Variants in CHM observed in about 807,000 individuals in gnomAD.
The protein encoded by CHM is CHM Rab escort protein.
Under a neutral mutation model 49.0 loss-of-function variants are expected in CHM, and 10 were observed. The ratio of observed to expected loss-of-function variants is 0.20; its 90% CI spans 0.13 to 0.35. CHM has a LOEUF of 0.35. Among genes scored for constraint, CHM ranks in the 10% least tolerant of loss-of-function variants. The probability of loss-of-function intolerance (pLI) is 1.00; values close to 1 mark genes in which losing one functional copy is unlikely to be tolerated. For synonymous variants in CHM, 184 were observed against 167.5 expected (o/e 1.10, Z -0.76); for missense variants, 455 against 478.4 (o/e 0.95, Z 0.46).
chrX:85,941,311 A>G (rs1453056129), intron 8 of CHM, among the ~76,000 whole-genome samples: 1 of 111,459 alleles, frequency 9.0e-6, no homozygotes, highest in Admixed American at 9.6e-5. Context: ...GAATTTGTTA[A>G]AATTTCACAT....
intron 2 of CHM, among the ~76,000 whole-genome samples, chrX:85,983,139 C>G (rs1169813225): frequency 9.0e-6 from 1 of 111,186 alleles, no homozygotes; most frequent in Non-Finnish European, 1.9e-5. Flanking sequence ...CTGCTTTTCT[C>G]TAACAGAGAA....
intron 8 of CHM, among the ~76,000 whole-genome samples, chrX:85,928,642 T>A: frequency 8.9e-6 from 1 of 112,606 alleles, no homozygotes; most frequent in Non-Finnish European, 1.9e-5. Flanking sequence ...GCTTCCAAAT[T>A]CATAAGTGCA....
intron 8 of CHM, among the ~76,000 whole-genome samples, chrX:85,911,576 A>T (rs1237952487): frequency 9.2e-6 from 1 of 109,257 alleles, no homozygotes; most frequent in Non-Finnish European, 1.9e-5. Flanking sequence ...CTGTGAGCAA[A>T]CCAGAAGTGT....
Position 85,884,626 on chromosome X carries a change from T to C in CHM, c.1511-5563A>G, listed in dbSNP as rs990167644. Among the ~76,000 whole-genome samples the C allele has an allele frequency of 6.3e-5, 7 of 111,538 alleles. No homozygotes were observed. The Admixed American group carries it at 6.7e-4, about 11-fold the overall frequency. On this transcript the variant is annotated intron_variant, in intron 12 of 14. Coordinates refer to ENST00000357749, the MANE Select transcript of CHM (RefSeq NM_000390.4). The stretch of plus-strand genomic sequence containing the variant: ...TCATATATACTATTCCCATATGATG[T>C]GAAGGTAAACTTCAGTGGCATACGT...
intron 4 of CHM, among the ~76,000 whole-genome samples, chrX:85,967,265 T>A (rs773283485): frequency 8.9e-6 from 1 of 112,385 alleles, no homozygotes; most frequent in South Asian, 3.7e-4. Context: ...TATACTGTGG[T>A]AAAAGACATT....
chrX:85,953,501 A>G (rs1929853393), intron 8 of CHM, among the ~76,000 whole-genome samples: 2 of 111,810 alleles, frequency 1.8e-5, no homozygotes, highest in South Asian at 7.5e-4. Context: ...TGGAGGAATC[A>G]CATTACCTTA....
At chrX:85,971,596 G>A (rs1367906660) in intron 4 of CHM, 1 of 295,657 alleles carries the variant, frequency 3.4e-6, no homozygotes, top group Non-Finnish European at 6.6e-6. Context: ...CCTAAAGACC[G>A]AGCAGCAGCA....
chrX:86,037,231 C>T (rs1934289123), intron 1 of CHM, among the ~76,000 whole-genome samples: 1 of 106,791 alleles, frequency 9.4e-6, no homozygotes, highest in African/African-American at 3.4e-5. Flanking sequence ...ATTCTCCTGC[C>T]TCAGCTTCCC....
chrX:85,866,369 G>T (rs73504263), intron 14 of CHM, among the ~76,000 whole-genome samples: 8,825 of 112,346 alleles, frequency 0.079, 746 homozygotes, highest in African/African-American at 0.26. Context: ...AAGACAAGAG[G>T]TGAGGTTTGG....
rs1927607789 is a variant in CHM, at chrX:85,918,790, G to C, written c.1167-7452C>G. 2.7e-5 allele frequency among the ~76,000 whole-genome samples: 3 copies of C among 111,085 alleles called. No individual in the cohort carries two copies. In the South Asian group the frequency reaches 1.1e-3, roughly 42 times the overall value. The stretch of plus-strand genomic sequence containing the variant: ...AAAATCATCAAAAAAGACAAAGAAG[G>C]GCATTACATAATGATAAAGGTTTCA... On this transcript the variant is annotated intron_variant, in intron 8 of 14. Transcript: ENST00000357749.
In CHM at chrX:85,864,109, TAGAA is replaced by T. The variant is rs1007481699; in HGVS notation, c.*517_*520del. On this transcript the variant is annotated 3_prime_UTR_variant, in exon 15 of 15. Coordinates refer to ENST00000357749, the MANE Select transcript of CHM (RefSeq NM_000390.4). ...TTAGCATTTTCAATGCTTCTCAACA[TAGAA>T]AGCAAAACAAACCTGTATTCCAAAT... 8.5e-6 allele frequency: 1 copy of T among 117,200 alleles called. No individual in the cohort carries two copies. The highest frequency in any genetic ancestry group is 8.7e-5 in the Admixed American group (1 of 11,552). The allele number at this position is 117,200 out of a possible 1,213,427, so 9.7% of individuals were successfully genotyped here. A position where few individuals can be genotyped will look rare whatever the true frequency, so the allele number is the denominator to read the frequency against.
chrX:85,929,352 C>G (rs1043614072), intron 8 of CHM, among the ~76,000 whole-genome samples: 9 of 112,400 alleles, frequency 8.0e-5, no homozygotes, highest in African/African-American at 2.9e-4. Context: ...TCCTTAGTGG[C>G]CTTCATTGAC....
At chrX:86,024,071 C>G (rs1933716094) in intron 2 of CHM, among the ~76,000 whole-genome samples, 1 of 111,762 alleles carries the variant, frequency 8.9e-6, no homozygotes, top group Non-Finnish European at 1.9e-5. Context: ...GGAAGTGGGA[C>G]TTCCCTGAGG....
At chrX:85,966,345 G>A (rs1392099300) in intron 4 of CHM, among the ~76,000 whole-genome samples, 2 of 91,664 alleles carry the variant, frequency 2.2e-5, no homozygotes, top group African/African-American at 8.8e-5. Flanking sequence ...GCAAAACTCC[G>A]TCTAAAAAAA....
chrX:85,935,797 G>C (rs930532672), intron 8 of CHM, among the ~76,000 whole-genome samples: 2 of 111,791 alleles, frequency 1.8e-5, no homozygotes, highest in African/African-American at 6.5e-5. Context: ...TGAATCTACT[G>C]CCTAATTTGG....
At chrX:85,899,744 G>A (rs1222818854) in intron 11 of CHM, among the ~76,000 whole-genome samples, 1 of 92,116 alleles carries the variant, frequency 1.1e-5, no homozygotes, top group African/African-American at 4.3e-5. Context: ...TTGGAGAAGG[G>A]ATACTCAAAC....
intron 2 of CHM, among the ~76,000 whole-genome samples, chrX:86,011,502 C>G (rs1025530685): frequency 9.0e-6 from 1 of 111,303 alleles, no homozygotes. Context: ...AAACTTGGAG[C>G]ACAAGTAAAT....
intron 9 of CHM, among the ~76,000 whole-genome samples, chrX:85,909,534 A>G (rs965207672): frequency 2.7e-5 from 3 of 111,728 alleles, no homozygotes; most frequent in African/African-American, 6.5e-5. Context: ...TTTTGGGCAC[A>G]TTAAAGTTTG....
intron 8 of CHM, among the ~76,000 whole-genome samples, chrX:85,917,300 G>A (rs953827626): frequency 3.6e-5 from 4 of 111,116 alleles, no homozygotes; most frequent in African/African-American, 9.8e-5. Context: ...TGGGTCAAGG[G>A]AGGCTGGGAG....
Sources: gnomAD v4.1 joint callset for allele counts (sites outside exome capture counted in the v4.1 genomes callset) on GRCh38, gnomAD v4.1.1 for gene constraint, MANE v1.5 for transcripts, NCBI Gene and HGNC (gene_info 2026-07-23, HGNC 2026-07-21) for gene names.